Variants in JAZF1 observed in about 807,000 individuals in gnomAD.
The protein encoded by JAZF1 is JAZF zinc finger 1, also known as juxtaposed with another zinc finger protein 1.
In JAZF1, 8 loss-of-function variants were observed where a neutral mutation model predicts 26.4. The observed-to-expected ratio is 0.30, with a 90% CI of 0.18 to 0.55. The LOEUF is 0.55. Ranked by LOEUF, JAZF1 falls within the 20% of genes least tolerant of loss-of-function variation. The probability of loss-of-function intolerance (pLI) is 0.94; values close to 1 mark genes in which losing one functional copy is unlikely to be tolerated. For missense variants in JAZF1, 199 were observed against 322.0 expected, an observed-to-expected ratio of 0.62 and a Z score of 2.92; for synonymous variants, 126 against 122.3, an observed-to-expected ratio of 1.03 and a Z score of -0.20.
Position 27,840,590 on chromosome 7 carries a change from C to CT in JAZF1, c.555+107dup. Reference sequence around the variant, plus strand: ...ACTCTAATGCAGGAGAGGGGAGTGTCTCCCCCCAGCCCATACGCTCGCTTT... The same window carrying CT: ...ACTCTAATGCAGGAGAGGGGAGTGTCTTCCCCCCAGCCCATACGCTCGCTTT... On this transcript the variant is annotated intron_variant, in intron 4 of 4. Coordinates refer to ENST00000283928, the MANE Select transcript of JAZF1 (RefSeq NM_175061.4). This position sits in a 1 kb window ranked among gnomAD's most constrained non-coding sequence, Gnocchi z 5.1. 4.3e-6 allele frequency: 5 copies of CT among 1,152,462 alleles called. No homozygotes were observed. In the South Asian group the frequency reaches 5.6e-5, roughly 13 times the overall value. The allele number at this position is 1,152,462 out of a possible 1,614,324, so 71.4% of individuals were successfully genotyped here. A position where few individuals can be genotyped will look rare whatever the true frequency, so the allele number is the denominator to read the frequency against.
chr7:28,034,884 C>G (rs1783258274), intron 1 of JAZF1, among the ~76,000 whole-genome samples: 1 of 152,148 alleles, frequency 6.6e-6, no homozygotes, highest in Non-Finnish European at 1.5e-5. Context: ...GCCATGGCCT[C>G]TGCAAACAAA....
chr7:28,089,581 C>CT (rs1424753012), intron 1 of JAZF1, among the ~76,000 whole-genome samples: 1 of 151,984 alleles, frequency 6.6e-6, no homozygotes, highest in Non-Finnish European at 1.5e-5. Context: ...TGTGAAGGGA[C>CT]TTTGGAAGGT....
intron 1 of JAZF1, among the ~76,000 whole-genome samples, chr7:28,135,386 G>A (rs1782866535): frequency 1.3e-5 from 2 of 152,148 alleles, no homozygotes; most frequent in Non-Finnish European, 2.9e-5. Flanking sequence ...TAATATGTAA[G>A]GGTTGCTACA....
chr7:27,995,022 C>A (rs945028024), intron 1 of JAZF1, among the ~76,000 whole-genome samples: 3 of 152,076 alleles, frequency 2.0e-5, no homozygotes, highest in Non-Finnish European at 4.4e-5. Flanking sequence ...TATATGAGGG[C>A]AGAAAGGATA....
chr7:28,052,854 A>T (rs765010148), intron 1 of JAZF1, among the ~76,000 whole-genome samples: 1 of 152,046 alleles, frequency 6.6e-6, no homozygotes, highest in Non-Finnish European at 1.5e-5. Context: ...AAAATATAGT[A>T]TTAAATTTTA....
chr7:28,012,238 T>C (rs1294198530), intron 1 of JAZF1, among the ~76,000 whole-genome samples: 1 of 152,218 alleles, frequency 6.6e-6, no homozygotes, highest in Non-Finnish European at 1.5e-5. Flanking sequence ...AAAATCTTCA[T>C]TCTGAACCAT....
intron 2 of JAZF1, among the ~76,000 whole-genome samples, chr7:27,940,445 A>G (rs1274576171): frequency 6.6e-6 from 1 of 152,172 alleles, no homozygotes; most frequent in Admixed American, 6.5e-5. Context: ...CTGCATTTCC[A>G]ATACACAGCA....
rs1784577254 is a variant in JAZF1 at position 28,107,756 on chromosome 7, CCGTT to C, written c.115+72703_115+72706del. ...GAAAGAATACACAGAGACACCATTTCCGTTGTTAGACACACATATCTAATGTAGT... is the reference window on the plus strand; with the variant it reads ...GAAAGAATACACAGAGACACCATTTCGTTAGACACACATATCTAATGTAGT... On this transcript the variant is annotated intron_variant, in intron 1 of 4. Coordinates refer to ENST00000283928, the MANE Select transcript of JAZF1 (RefSeq NM_175061.4). Among the ~76,000 whole-genome samples, 3 of 152,320 alleles carry C rather than the reference CCGTT, an allele frequency of 2.0e-5. No homozygotes were observed. The South Asian group carries it at 6.2e-4, about 32-fold the overall frequency.
At chr7:28,035,560 G>C (rs1475334336) in intron 1 of JAZF1, among the ~76,000 whole-genome samples, 7 of 151,996 alleles carry the variant, frequency 4.6e-5, no homozygotes, top group Non-Finnish European at 4.4e-5. Context: ...TTTTGGTGTA[G>C]AGCCCTTTCT....
intron 2 of JAZF1, among the ~76,000 whole-genome samples, chr7:27,958,380 A>G (rs1413304519): frequency 6.6e-6 from 1 of 152,228 alleles, no homozygotes; most frequent in Non-Finnish European, 1.5e-5. Flanking sequence ...TTTTAGCTCC[A>G]AATGCCACAT....
intron 1 of JAZF1, among the ~76,000 whole-genome samples, chr7:28,076,207 A>G (rs984878112): frequency 1.3e-5 from 2 of 152,238 alleles, no homozygotes; most frequent in Admixed American, 1.3e-4. Flanking sequence ...TTATGAGCAG[A>G]GCACCTGGTC....
At chr7:27,976,136 A>T (rs1398453259) in intron 2 of JAZF1, among the ~76,000 whole-genome samples, 1 of 152,130 alleles carries the variant, frequency 6.6e-6, no homozygotes, top group Non-Finnish European at 1.5e-5. Flanking sequence ...CGAGGTCAAG[A>T]GATCGAGACC....
rs1216010222 is a variant in JAZF1 at position 28,074,416 on chromosome 7, C to T, written c.116-82435G>A. 2.0e-5 allele frequency among the ~76,000 whole-genome samples: 3 copies of T among 152,092 alleles called. No homozygotes were observed. In the South Asian group the frequency reaches 6.2e-4, roughly 32 times the overall value. On this transcript the variant is annotated intron_variant, in intron 1 of 4. Coordinates refer to ENST00000283928, the MANE Select transcript of JAZF1 (RefSeq NM_175061.4). ...GCAGTATCCCATATGAAGCAGAAAT[C>T]CAAGCTAAAGAAGATATGGGAAACA... is the stretch of plus-strand genomic sequence containing the variant.
At chr7:28,017,773 G>GTTGTTTGT (rs3073768) in intron 1 of JAZF1, among the ~76,000 whole-genome samples, 4 of 151,942 alleles carry the variant, frequency 2.6e-5, no homozygotes, top group African/African-American at 9.7e-5. Context: ...TTTTGTTGTT[G>GTTGTTTGT]TTGTTTGTTT....
intron 1 of JAZF1, among the ~76,000 whole-genome samples, chr7:28,077,201 C>T (rs1046047023): frequency 1.1e-4 from 17 of 152,126 alleles, no homozygotes; most frequent in Admixed American, 9.2e-4. Context: ...AGGATTTACT[C>T]AATGTTTAGT....
At chr7:28,120,242 A>T (rs1285597258) in intron 1 of JAZF1, among the ~76,000 whole-genome samples, 1 of 151,690 alleles carries the variant, frequency 6.6e-6, no homozygotes, top group Non-Finnish European at 1.5e-5. Context: ...AAGGTCTTAG[A>T]GGATTGGCTG....
intron 1 of JAZF1, among the ~76,000 whole-genome samples, chr7:28,122,066 G>GGC (rs1482338466): frequency 6.6e-6 from 1 of 152,180 alleles, no homozygotes; most frequent in African/African-American, 2.4e-5. Flanking sequence ...GCCAGCAAGA[G>GGC]GCCTTGTTTA....
At chr7:27,851,580 T>G (rs1056243473) in intron 3 of JAZF1, among the ~76,000 whole-genome samples, 1 of 152,038 alleles carries the variant, frequency 6.6e-6, no homozygotes, top group Non-Finnish European at 1.5e-5. Context: ...AAAACCAGGA[T>G]AGAACCCTGT....
chr7:28,149,894 T>A (rs1315962683), intron 1 of JAZF1, among the ~76,000 whole-genome samples: 1 of 152,206 alleles, frequency 6.6e-6, no homozygotes, highest in African/African-American at 2.4e-5. Context: ...CTCACAATGC[T>A]GATTGGAAAG....
Sources: allele counts gnomAD v4.1 joint callset (sites outside exome capture counted in the v4.1 genomes callset), GRCh38; gene constraint gnomAD v4.1.1; non-coding constraint Gnocchi (gnomAD v3.1); transcripts MANE v1.5; gene names NCBI Gene and HGNC (gene_info 2026-07-23, HGNC 2026-07-21).